Variants in NARS2 observed in about 807,000 individuals in gnomAD.
NARS2 encodes the protein asparaginyl-tRNA synthetase.
In NARS2, 60 loss-of-function variants were observed where a neutral mutation model predicts 62.9. The ratio of observed to expected loss-of-function variants is 0.95; its 90% CI spans 0.77 to 1.18. The LOEUF (loss-of-function observed/expected upper bound fraction) is 1.18, where lower values mean the gene tolerates loss of function less well. Ranked by LOEUF, NARS2 falls within the 50% of genes most tolerant of loss-of-function variation. NARS2 has a pLI of 0.00. For synonymous variants in NARS2, 196 were observed against 200.0 expected, an observed-to-expected ratio of 0.98 and a Z score of 0.17; for missense variants, 619 against 576.4, an observed-to-expected ratio of 1.07 and a Z score of -0.76.
At chr11:78,465,703 G>A (rs1053965792) in intron 11 of NARS2, among the ~76,000 whole-genome samples, 173 bp downstream of exon 11, 4 of 152,216 alleles carry the variant, frequency 2.6e-5, no homozygotes, top group Non-Finnish European at 5.9e-5. Flanking sequence ...GAGGAAGTAC[G>A]TTTATAGAAC....
rs73508851 is a variant in NARS2, at chr11:78,565,607, G to C, written c.513+525C>G. Among the ~76,000 whole-genome samples the C allele has an allele frequency of 3.6e-3, 550 of 152,312 alleles. 2 individuals carry two copies. Among genetic ancestry groups the C allele is most frequent in the African/African-American group, 0.013 (524 of 41,568 alleles). ...TTCATACGCTAGAATATCAGAGAGAGAGCTGCAGAGGGCCACCTTGCAGTA... is the reference window on the plus strand; with the variant it reads ...TTCATACGCTAGAATATCAGAGAGACAGCTGCAGAGGGCCACCTTGCAGTA... On this transcript the variant is annotated intron_variant, in intron 4 of 13. Transcript: ENST00000281038.
chr11:78,465,007 G>A (rs979883939), intron 11 of NARS2, among the ~76,000 whole-genome samples: 32 of 152,356 alleles, frequency 2.1e-4, no homozygotes, highest in Admixed American at 1.2e-3. Context: ...GGGACTGGGC[G>A]CCGTGGAGCA....
chr11:78,463,713 CAAAAAAA>C lies in NARS2; in HGVS notation c.1164+2156_1164+2162del, dbSNP rs10649252. ...AAAAAAAGACAACTATAGTTAAGGT[CAAAAAAA>C]AAAAAAAAAAAAAAAAACCACAGGA... is the stretch of plus-strand genomic sequence containing the variant. On this transcript the variant is annotated intron_variant, in intron 11 of 13. Transcript: ENST00000281038. Among the ~76,000 whole-genome samples the C allele has an allele frequency of 3.3e-3, 159 of 47,992 alleles. 1 individual carries two copies. Among genetic ancestry groups the C allele is most frequent in the Non-Finnish European group, 4.7e-3 (129 of 27,366 alleles). The allele number at this position is 47,992 out of a possible 152,430, so 31.5% of individuals were successfully genotyped here. A position where few individuals can be genotyped will look rare whatever the true frequency, so the allele number is the denominator to read the frequency against.
chr11:78,440,976 A>AAC (rs1857560671), intron 13 of NARS2, 115 bp downstream of exon 13: 1 of 893,376 alleles, frequency 1.1e-6, no homozygotes, highest in African/African-American at 1.7e-5. Flanking sequence ...AAGAACAGTT[A>AAC]AGTTCATTGT....
At chr11:78,507,430 T>A (rs1216334250) in intron 6 of NARS2, among the ~76,000 whole-genome samples, 3 of 151,238 alleles carry the variant, frequency 2.0e-5, no homozygotes, top group African/African-American at 7.3e-5. Context: ...AAAGAATAAA[T>A]AAAAACAGCA....
chr11:78,538,295 G>C (rs1435739858), intron 5 of NARS2, among the ~76,000 whole-genome samples: 1 of 152,130 alleles, frequency 6.6e-6, no homozygotes, highest in East Asian at 1.9e-4. Flanking sequence ...TAGTAAAAAT[G>C]ACCCTTCTCT....
At position 78,493,106 on chromosome 11, in the gene NARS2, T is replaced by C; in HGVS notation, c.779A>G (p.Glu260Gly). ...RRHLAEFYMIEAEISFVDSLQ... is the reference protein window; with the variant it reads ...RRHLAEFYMIGAEISFVDSLQ... ...GCTGTCAACAAAAGAAATCTCTGCT[T>C]CTATCATATAAAACTCTGCCAGGTG... The change falls in exon 7 of 14, where the codon GAA becomes GGA. Residue 260 changes from glutamate to glycine, a missense_variant. By Grantham distance (98) the Glu-to-Gly change is moderately conservative (BLOSUM62 -2). Transcript: ENST00000281038. The C allele has an allele frequency of 6.2e-7, 1 of 1,613,990 alleles. No individual in the cohort carries two copies. Among genetic ancestry groups the C allele is most frequent in the Non-Finnish European group, 8.5e-7 (1 of 1,179,912 alleles).
At chr11:78,555,737 G>C (rs1590859553) in intron 5 of NARS2, among the ~76,000 whole-genome samples, 1 of 152,036 alleles carries the variant, frequency 6.6e-6, no homozygotes, top group East Asian at 1.9e-4. Flanking sequence ...GGGTTGATCT[G>C]TTCTTGCTTC....
intron 5 of NARS2, among the ~76,000 whole-genome samples, chr11:78,547,950 T>C (rs560753083): frequency 6.6e-6 from 1 of 152,246 alleles, no homozygotes; most frequent in Admixed American, 6.5e-5. Context: ...CCAGGCACGG[T>C]GGTTCACGCC....
At chr11:78,505,269 TACACACACACAC>T (rs10533814) in intron 6 of NARS2, among the ~76,000 whole-genome samples, 23,617 of 133,272 alleles carry the variant, frequency 0.18, 2,202 homozygotes, top group Admixed American at 0.21. Context: ...GAAAACAAAA[TACACACACACAC>T]ACACACACAC....
At chr11:78,494,034 C>G (rs1253190125) in intron 6 of NARS2, among the ~76,000 whole-genome samples, 5 of 152,210 alleles carry the variant, frequency 3.3e-5, no homozygotes, top group African/African-American at 4.8e-5. Context: ...CCTTGACGAC[C>G]ACCTGTCTTT....
intron 11 of NARS2, among the ~76,000 whole-genome samples, chr11:78,450,600 AAT>A (rs1857935167): frequency 6.6e-6 from 1 of 152,004 alleles, no homozygotes; most frequent in African/African-American, 2.4e-5. Flanking sequence ...TTCAGGACCA[AAT>A]GGTACTATTT....
Position 78,493,121 on chromosome 11 carries a change from T to G in NARS2, c.764A>C (p.Glu255Ala). Residue 255 changes from glutamate to alanine, a missense_variant, in exon 7 of 14, where the codon GAG (glutamate) becomes GCG (alanine). Coordinates refer to ENST00000281038, the MANE Select transcript of NARS2 (RefSeq NM_024678.6). ...AATCTCTGCTTCTATCATATAAAAC[T>G]CTGCCAGGTGCCTCCGGCTCTGAGA... The part of the protein sequence containing the change: ...ENSQSRRHLA[E>A]FYMIEAEISF... 1 of 1,614,054 alleles carries G rather than the reference T, an allele frequency of 6.2e-7. No individual in the cohort carries two copies. The highest frequency in any genetic ancestry group is 8.5e-7 in the Non-Finnish European group (1 of 1,179,918).
intron 6 of NARS2, among the ~76,000 whole-genome samples, chr11:78,528,133 G>A (rs1286224035): frequency 6.6e-6 from 1 of 152,106 alleles, no homozygotes; most frequent in Non-Finnish European, 1.5e-5. Context: ...CTACTCAGAA[G>A]GCTGAGGCAG....
At position 78,443,502 on chromosome 11, in the gene NARS2, G is replaced by A; in HGVS notation, c.1262+159C>T. On this transcript the variant is annotated intron_variant, in intron 12 of 13. Transcript: ENST00000281038. ...CCATTCCTGAAGAACGGGAAGCTCA[G>A]AGATAAACTAACAACTTGCTCAAGG... 6.5e-6 allele frequency: 3 copies of A among 460,160 alleles called. No individual in the cohort carries two copies. In the East Asian group the frequency reaches 9.3e-5, roughly 14 times the overall value. 28.5% of individuals were successfully genotyped at this position (460,160 alleles called of 1,614,324 possible).
At chr11:78,478,388 A>T in intron 9 of NARS2, 50 bp downstream of exon 9, 1 of 820,220 alleles carries the variant, frequency 1.2e-6, no homozygotes, top group East Asian at 3.1e-5. Context: ...ATATAGTGTG[A>T]TAAATACAGT....
chr11:78,449,199 G>C (rs1042607596), intron 11 of NARS2, among the ~76,000 whole-genome samples: 3 of 142,790 alleles, frequency 2.1e-5, no homozygotes, highest in African/African-American at 5.4e-5. Flanking sequence ...GCAGTGGTGC[G>C]ATCTCGGCTC....
At chr11:78,554,043 T>C (rs1301145710) in intron 5 of NARS2, among the ~76,000 whole-genome samples, 1 of 152,196 alleles carries the variant, frequency 6.6e-6, no homozygotes, top group East Asian at 1.9e-4. Context: ...GAGGATCAGA[T>C]TGTCATAGAT....
chr11:78,557,663 T>C (rs190504193), intron 5 of NARS2, among the ~76,000 whole-genome samples: 24 of 152,286 alleles, frequency 1.6e-4, no homozygotes, highest in Non-Finnish European at 3.5e-4. Context: ...GGCTCTGAAA[T>C]AATATGAACA....
Sources: gnomAD v4.1 joint callset for allele counts (sites outside exome capture counted in the v4.1 genomes callset) on GRCh38, gnomAD v4.1.1 for gene constraint, MANE v1.5 for transcripts, NCBI Gene and HGNC (gene_info 2026-07-23, HGNC 2026-07-21) for gene names.